Variants in PPA1 observed in about 807,000 individuals in gnomAD.
PPA1 encodes the protein inorganic pyrophosphatase 1.
Under a neutral mutation model 41.8 loss-of-function variants are expected in PPA1, and 23 were observed. That is an observed-to-expected ratio of 0.55 (90% CI 0.40 to 0.78). PPA1 has a LOEUF of 0.78. PPA1 is among the 30% of genes least tolerant of loss of function. PPA1 has a pLI of 0.00. For missense variants in PPA1, 320 were observed against 361.6 expected (o/e 0.89, Z 0.93); for synonymous variants, 101 against 116.8 (o/e 0.86, Z 0.87).
intron 2 of PPA1, 46 bp downstream of exon 2, chr10:70,230,295 G>A: frequency 2.5e-6 from 4 of 1,592,510 alleles, no homozygotes; most frequent in Non-Finnish European, 3.4e-6. Flanking sequence ...TGTAGAACTA[G>A]CTGATCTGAG....
chr10:70,202,979 A>G lies in PPA1; in HGVS notation c.*176T>C. ...TGCTAAAAGTTATCTTAGTTGAGAT[A>G]TGAAAAATGCTTTAGATGGATAACA... On this transcript the variant is annotated 3_prime_UTR_variant, in exon 11 of 11. Transcript: ENST00000373232. 1 of 658,888 alleles carries G rather than the reference A, an allele frequency of 1.5e-6. No homozygotes were observed. Among genetic ancestry groups the G allele is most frequent in the Non-Finnish European group, 2.6e-6 (1 of 381,416 alleles). The allele number at this position is 658,888 out of a possible 1,614,324, so 40.8% of individuals were successfully genotyped here. A position where few individuals can be genotyped will look rare whatever the true frequency, so the allele number is the denominator to read the frequency against.
intron 1 of PPA1, among the ~76,000 whole-genome samples, chr10:70,232,836 G>A (rs561643281): frequency 3.3e-5 from 5 of 151,786 alleles, no homozygotes; most frequent in Admixed American, 3.3e-4. Context: ...GCGGAATTAA[G>A]GTCTTTAGGA....
intron 4 of PPA1, among the ~76,000 whole-genome samples, chr10:70,216,841 G>A (rs1371926806): frequency 2.0e-5 from 3 of 152,150 alleles, no homozygotes; most frequent in Non-Finnish European, 2.9e-5. Flanking sequence ...CTGACATTGT[G>A]CTGGGAATAA....
At chr10:70,228,864 A>C (rs1840259185) in intron 2 of PPA1, among the ~76,000 whole-genome samples, 1 of 152,234 alleles carries the variant, frequency 6.6e-6, no homozygotes, top group Non-Finnish European at 1.5e-5. Flanking sequence ...TCTATCTAAT[A>C]GTCAGGCCCA....
chr10:70,204,598 C>A (rs774489455), intron 10 of PPA1: 16 of 337,312 alleles, frequency 4.7e-5, no homozygotes, highest in Non-Finnish European at 8.6e-5. Flanking sequence ...CTTTAGTGAT[C>A]TATTGCACAG....
chr10:70,229,477 A>G (rs1840265052), intron 2 of PPA1, among the ~76,000 whole-genome samples: 1 of 152,216 alleles, frequency 6.6e-6, no homozygotes, highest in Non-Finnish European at 1.5e-5. Flanking sequence ...AAAGACTTTT[A>G]CAATTTGTGG....
intron 2 of PPA1, among the ~76,000 whole-genome samples, chr10:70,221,071 TATA>T (rs1564584635): frequency 3.0e-4 from 5 of 16,802 alleles, no homozygotes; most frequent in African/African-American, 1.8e-3. Context: ...TATATATATA[TATA>T]TATTTTTTTT....
At chr10:70,209,768 C>T (rs1394477301) in intron 6 of PPA1, 83 bp from the exon 7 acceptor site, 12 of 1,431,634 alleles carry the variant, frequency 8.4e-6, no homozygotes, top group African/African-American at 2.9e-5. Flanking sequence ...TCAAGATGCA[C>T]AAATAATTAT....
intron 1 of PPA1, among the ~76,000 whole-genome samples, chr10:70,232,148 A>G (rs978967367): frequency 2.6e-5 from 4 of 152,188 alleles, no homozygotes; most frequent in Non-Finnish European, 5.9e-5. Flanking sequence ...TGTAAGCTTT[A>G]CAGTTCGCTT....
At chr10:70,209,084 G>T (rs934301103) in intron 8 of PPA1, 121 bp downstream of exon 8, 1 of 659,246 alleles carries the variant, frequency 1.5e-6, no homozygotes, top group Non-Finnish European at 2.4e-6. Flanking sequence ...GTGAGCCACC[G>T]CACCCAGCCT....
intron 8 of PPA1, among the ~76,000 whole-genome samples, chr10:70,208,598 GA>G (rs912571166): frequency 1.2e-4 from 18 of 151,962 alleles, no homozygotes; most frequent in African/African-American, 4.4e-4. Context: ...TAAAGTGCTG[GA>G]ATTACAGGAA....
intron 2 of PPA1, among the ~76,000 whole-genome samples, chr10:70,227,877 C>G (rs1840249094): frequency 1.3e-5 from 2 of 151,924 alleles, no homozygotes; most frequent in African/African-American, 2.4e-5. Flanking sequence ...AGAATGTATT[C>G]ATGTAAACTT....
intron 3 of PPA1, 32 bp from the exon 4 acceptor site, chr10:70,217,963 T>A: frequency 6.7e-7 from 1 of 1,501,986 alleles, no homozygotes; most frequent in East Asian, 2.3e-5. Flanking sequence ...TCTTTGCATA[T>A]TTGGATGTGA....
At chr10:70,218,671 T>C (rs1414243438) in intron 3 of PPA1, 93 bp downstream of exon 3, 2 of 1,003,662 alleles carry the variant, frequency 2.0e-6, no homozygotes, top group African/African-American at 3.2e-5. Flanking sequence ...GAGAAAAACC[T>C]TGACGTTCAG....
intron 10 of PPA1, 71 bp downstream of exon 10, chr10:70,204,802 A>T: frequency 8.0e-7 from 1 of 1,245,978 alleles, no homozygotes; most frequent in Non-Finnish European, 1.1e-6. Context: ...TGTCAACTAA[A>T]AATAAAAGTA....
intron 2 of PPA1, among the ~76,000 whole-genome samples, chr10:70,227,573 C>T (rs1840243597): frequency 1.3e-5 from 2 of 148,870 alleles, no homozygotes; most frequent in African/African-American, 2.5e-5. Flanking sequence ...ATCACTTGTG[C>T]CTGAGAGGTT....
intron 2 of PPA1, among the ~76,000 whole-genome samples, chr10:70,227,085 T>C (rs1322036860): frequency 1.3e-5 from 2 of 152,244 alleles, no homozygotes; most frequent in Non-Finnish European, 2.9e-5. Flanking sequence ...TCATACTGTT[T>C]ATACCATGTT....
At chr10:70,210,074 C>A in intron 6 of PPA1, 1 of 310,614 alleles carries the variant, frequency 3.2e-6, no homozygotes, top group South Asian at 2.7e-5. Flanking sequence ...CTGAAAAAGA[C>A]AGAGGTTATC....
In PPA1 at chr10:70,202,980, T is replaced by C. The variant is rs1028007252; in HGVS notation, c.*175A>G. On this transcript the variant is annotated 3_prime_UTR_variant, in exon 11 of 11. Coordinates refer to ENST00000373232, the MANE Select transcript of PPA1 (RefSeq NM_021129.4). ...GCTAAAAGTTATCTTAGTTGAGATA[T>C]GAAAAATGCTTTAGATGGATAACAT... The C allele has an allele frequency of 7.6e-6, 5 of 661,748 alleles. No individual in the cohort carries two copies. Among genetic ancestry groups the C allele is most frequent in the Non-Finnish European group, 7.8e-6 (3 of 383,320 alleles). 41.0% of individuals were successfully genotyped at this position (661,748 alleles called of 1,614,324 possible). A position where few individuals can be genotyped will look rare whatever the true frequency, so the allele number is the denominator to read the frequency against.
Sources: allele counts gnomAD v4.1 joint callset (sites outside exome capture counted in the v4.1 genomes callset), GRCh38; gene constraint gnomAD v4.1.1; transcripts MANE v1.5; gene names NCBI Gene and HGNC (gene_info 2026-07-23, HGNC 2026-07-21).